The following USP32 variants were observed in gnomAD, a reference collection of about 807,000 sequenced individuals.
The protein encoded by USP32 is ubiquitin specific peptidase 32.
A neutral mutation model predicts 204.8 loss-of-function variants in USP32; 59 were observed. That is an observed-to-expected ratio of 0.29 (90% CI 0.23 to 0.36). USP32 has a LOEUF of 0.36. Ranked by LOEUF, USP32 falls within the 10% of genes least tolerant of loss-of-function variation. The pLI, the probability that USP32 is intolerant of heterozygous loss-of-function variation, is 1.00. For missense variants in USP32, 1,160 were observed against 1,946.4 expected, an observed-to-expected ratio of 0.60 and a Z score of 7.60; for synonymous variants, 517 against 678.4, an observed-to-expected ratio of 0.76 and a Z score of 3.70.
intron 13 of USP32, among the ~76,000 whole-genome samples, chr17:60,224,169 G>A (rs2085326584): frequency 6.6e-6 from 1 of 152,194 alleles, no homozygotes; most frequent in African/African-American, 2.4e-5. Flanking sequence ...GGTATTTTAA[G>A]CCATTTCAAC....
At chr17:60,247,202 C>T (rs1035099449) in intron 11 of USP32, among the ~76,000 whole-genome samples, 2 of 151,380 alleles carry the variant, frequency 1.3e-5, no homozygotes, top group South Asian at 2.1e-4. Flanking sequence ...TTTTTTGAGG[C>T]GGAGTCTCCC....
At chr17:60,182,697 A>T (rs546188903) in intron 31 of USP32, among the ~76,000 whole-genome samples, 1 of 152,142 alleles carries the variant, frequency 6.6e-6, no homozygotes, top group Non-Finnish European at 1.5e-5. Flanking sequence ...CAGGAGGTAG[A>T]GGCTGCAGTG....
intron 2 of USP32, among the ~76,000 whole-genome samples, chr17:60,340,138 A>T (rs2088623673): frequency 6.6e-6 from 1 of 152,194 alleles, no homozygotes; most frequent in Non-Finnish European, 1.5e-5. Flanking sequence ...CACAAGGGTC[A>T]TATGCACTGA....
intron 1 of USP32, among the ~76,000 whole-genome samples, chr17:60,369,966 C>T (rs945385039): frequency 6.6e-6 from 1 of 152,112 alleles, no homozygotes; most frequent in East Asian, 1.9e-4. Flanking sequence ...TCTCGAACTC[C>T]TGCCTCAAGT....
chr17:60,408,615 T>C (rs2089996433), intron 1 of USP32, among the ~76,000 whole-genome samples: 1 of 151,896 alleles, frequency 6.6e-6, no homozygotes, highest in Non-Finnish European at 1.5e-5. Flanking sequence ...TGACCTCAAA[T>C]GATCTGCCCA....
chr17:60,247,660 C>CTTGT (rs527390709), intron 11 of USP32, among the ~76,000 whole-genome samples: 1 of 150,698 alleles, frequency 6.6e-6, no homozygotes, highest in African/African-American at 2.5e-5. Context: ...GGGGGTTTTG[C>CTTGT]TTGTTTGTTT....
intron 12 of USP32, among the ~76,000 whole-genome samples, chr17:60,232,044 G>A (rs542947840): frequency 6.6e-6 from 1 of 151,696 alleles, no homozygotes; most frequent in South Asian, 2.1e-4. Flanking sequence ...CTCACAATTA[G>A]TAATATTCGT....
intron 2 of USP32, among the ~76,000 whole-genome samples, chr17:60,316,502 G>A (rs73320704): frequency 0.054 from 8,153 of 152,096 alleles, 750 homozygotes; most frequent in African/African-American, 0.18. Context: ...TAGTAAGTAC[G>A]TATTTTTAAT....
intron 1 of USP32, among the ~76,000 whole-genome samples, chr17:60,374,400 T>G (rs1017829815): frequency 3.1e-5 from 4 of 130,500 alleles, no homozygotes; most frequent in Admixed American, 7.3e-5. Flanking sequence ...TTAAGTTTTG[T>G]TTTTTTTTTT....
At chr17:60,375,278 C>T (rs1443207148) in intron 1 of USP32, among the ~76,000 whole-genome samples, 1 of 152,124 alleles carries the variant, frequency 6.6e-6, no homozygotes. Context: ...AAAGGTCACA[C>T]AGAACAATCA....
chr17:60,203,827 G>A (rs1010288742), intron 26 of USP32, among the ~76,000 whole-genome samples: 6 of 152,064 alleles, frequency 3.9e-5, no homozygotes, highest in Non-Finnish European at 8.8e-5. Flanking sequence ...CACCCGCTTC[G>A]GCCTCCCAAA....
chr17:60,311,377 T>C (rs2087849362), intron 2 of USP32, among the ~76,000 whole-genome samples: 1 of 152,216 alleles, frequency 6.6e-6, no homozygotes, highest in Admixed American at 6.5e-5. Flanking sequence ...TATGTGGTAA[T>C]GATCTCACTA....
At chr17:60,316,828 G>A (rs58605245) in intron 2 of USP32, among the ~76,000 whole-genome samples, 46 of 152,202 alleles carry the variant, frequency 3.0e-4, no homozygotes, top group East Asian at 2.5e-3. Flanking sequence ...GCAAAAGAGC[G>A]AGACTTTGAC....
chr17:60,206,988 C>G lies in USP32; in HGVS notation c.3037+33G>C, dbSNP rs370399036. On this transcript the variant is annotated intron_variant, in intron 25 of 33. Transcript: ENST00000300896. ...ACTCTTAGACAAATATTTAAAGGAG[C>G]AATCATGAGAAGGAGTTCTAGTTCT... is the stretch of plus-strand genomic sequence containing the variant. 3.0e-5 allele frequency: 48 copies of G among 1,578,390 alleles called. No homozygotes were observed. The Middle Eastern group carries it at 5.0e-4, about 17-fold the overall frequency.
At chr17:60,283,597 G>A (rs747492436) in intron 5 of USP32, among the ~76,000 whole-genome samples, 1 of 151,736 alleles carries the variant, frequency 6.6e-6, no homozygotes, top group Non-Finnish European at 1.5e-5. Flanking sequence ...AAAGTCAAAG[G>A]TTAGTCAAGT....
chr17:60,397,737 C>G (rs538050019), intron 1 of USP32, among the ~76,000 whole-genome samples: 32 of 152,078 alleles, frequency 2.1e-4, no homozygotes, highest in Non-Finnish European at 4.3e-4. Context: ...CAATTGTCCT[C>G]CATTTTGGAC....
intron 10 of USP32, among the ~76,000 whole-genome samples, chr17:60,253,925 C>G (rs1002653150): frequency 2.0e-5 from 3 of 152,036 alleles, no homozygotes; most frequent in Non-Finnish European, 4.4e-5. Flanking sequence ...TGTAATAAAG[C>G]AAATAATTGA....
At chr17:60,399,229 G>T (rs1429804146) in intron 1 of USP32, among the ~76,000 whole-genome samples, 2 of 152,082 alleles carry the variant, frequency 1.3e-5, no homozygotes, top group African/African-American at 4.8e-5. Flanking sequence ...CAAAGTAAAA[G>T]CTCCTGCTCT....
chr17:60,271,650 G>C (rs552987567), intron 5 of USP32, among the ~76,000 whole-genome samples, 169 bp from the exon 6 acceptor site: 1 of 151,910 alleles, frequency 6.6e-6, no homozygotes, highest in East Asian at 1.9e-4. Context: ...CAAAATGGTA[G>C]GAAAATTAAA....
Sources: allele counts gnomAD v4.1 joint callset (sites outside exome capture counted in the v4.1 genomes callset), GRCh38; gene constraint gnomAD v4.1.1; transcripts MANE v1.5; gene names NCBI Gene and HGNC (gene_info 2026-07-23, HGNC 2026-07-21).